SCIN: variants seen among roughly 807,000 people sequenced by gnomAD.
The protein encoded by SCIN is scinderin.
In SCIN, 91 loss-of-function variants were observed where a neutral mutation model predicts 91.8. The observed-to-expected ratio is 0.99, with a 90% CI of 0.84 to 1.18. The LOEUF (loss-of-function observed/expected upper bound fraction) is 1.18. SCIN is among the 50% of genes most tolerant of loss of function. The pLI, the probability that SCIN is intolerant of heterozygous loss-of-function variation, is 0.00. For missense variants in SCIN, 1,087 were observed against 863.9 expected (o/e 1.26, Z -3.24); for synonymous variants, 367 against 312.6 (o/e 1.17, Z -1.84).
chr7:12,644,299 A>G lies in SCIN; in HGVS notation c.1743A>G (p.Gln581=), dbSNP rs1783914682. The change falls in exon 12 of 16, where the codon CAA becomes CAG. Residue 581 remains glutamine, a synonymous_variant. Transcript: ENST00000297029. ...TAAAGTGCAAAACCTTAAGGATCCA[A>G]GAAGGCGAGGAGCCAGGTGTGTGCT... ...SVLKCKTLRI[Q]EGEEPEEFWN... The G allele has an allele frequency of 5.0e-6, 8 of 1,587,650 alleles. No homozygotes were observed. The highest frequency in any genetic ancestry group is 1.3e-5 in the African/African-American group (1 of 74,456).
At chr7:12,643,556 C>T (rs1469800596) in intron 11 of SCIN, among the ~76,000 whole-genome samples, 2 of 152,170 alleles carry the variant, frequency 1.3e-5, no homozygotes, top group Non-Finnish European at 2.9e-5. Flanking sequence ...TCCTTTAAAA[C>T]TTCCAACAGC....
chr7:12,583,973 T>C lies in SCIN; in HGVS notation c.516+2752T>C, dbSNP rs1363041448. 2.6e-5 allele frequency among the ~76,000 whole-genome samples: 4 copies of C among 152,184 alleles called. No homozygotes were observed. The East Asian group carries it at 5.8e-4, about 22-fold the overall frequency. On this transcript the variant is annotated intron_variant, in intron 3 of 15. Transcript: ENST00000297029. Reference sequence around the variant, plus strand: ...AGAGGTACTGGTGCTTGGTTATCAATTATATTCTGGAATTTTCCTATACTC... The same window carrying C: ...AGAGGTACTGGTGCTTGGTTATCAACTATATTCTGGAATTTTCCTATACTC...
intron 3 of SCIN, chr7:12,595,722 G>A (rs766227544): frequency 2.6e-5 from 4 of 152,208 alleles, no homozygotes; most frequent in Non-Finnish European, 5.9e-5. Flanking sequence ...CTTGACCCCT[G>A]AAGATTCTGA....
At chr7:12,604,391 A>G (rs1783027437) in intron 3 of SCIN, 123 bp from the exon 4 acceptor site, 8 of 814,516 alleles carry the variant, frequency 9.8e-6, no homozygotes, top group South Asian at 1.9e-5. Context: ...ACAATTATGT[A>G]TATACCTCAA....
rs1009168596 is a variant in SCIN at position 12,654,538 on chromosome 7, T to A, written c.*1823T>A. 3.9e-5 allele frequency: 6 copies of A among 152,212 alleles called. No homozygotes were observed. Among genetic ancestry groups the A allele is most frequent in the African/African-American group, 1.4e-4 (6 of 41,468 alleles). 9.4% of individuals were successfully genotyped at this position (152,212 alleles called of 1,614,324 possible). Reference sequence around the variant, plus strand: ...ATGTAATTGAGTGAAAAATAATTTTTAAAAATATTTATAAATATCTTCTGG... The same window carrying A: ...ATGTAATTGAGTGAAAAATAATTTTAAAAAATATTTATAAATATCTTCTGG... On this transcript the variant is annotated 3_prime_UTR_variant, in exon 16 of 16. Transcript: ENST00000297029.
intron 8 of SCIN, among the ~76,000 whole-genome samples, chr7:12,627,889 G>A (rs1045114646): frequency 5.3e-5 from 8 of 152,104 alleles, no homozygotes; most frequent in Non-Finnish European, 8.8e-5. Context: ...GCTCTCTCTA[G>A]GATCTAAGGC....
intron 13 of SCIN, among the ~76,000 whole-genome samples, chr7:12,645,255 G>T (rs528156128): frequency 1.3e-5 from 2 of 152,178 alleles, no homozygotes; most frequent in Non-Finnish European, 2.9e-5. Flanking sequence ...GGAGGCGGAG[G>T]TTGCAGTGAG....
intron 11 of SCIN, among the ~76,000 whole-genome samples, chr7:12,643,145 C>CT (rs1641114631): frequency 6.6e-6 from 1 of 152,176 alleles, no homozygotes; most frequent in South Asian, 2.1e-4. Flanking sequence ...TCATCAGCTG[C>CT]TTTCTGTGCA....
chr7:12,614,887 A>C (rs938396236), intron 4 of SCIN, among the ~76,000 whole-genome samples: 1 of 152,208 alleles, frequency 6.6e-6, no homozygotes, highest in Non-Finnish European at 1.5e-5. Context: ...TTAGAGCTTT[A>C]AGACACTATC....
At chr7:12,613,770 G>A (rs538608887) in intron 4 of SCIN, among the ~76,000 whole-genome samples, 11 of 152,170 alleles carry the variant, frequency 7.2e-5, no homozygotes, top group Non-Finnish European at 1.6e-4. Context: ...TTTATTTAAA[G>A]GCTTTAAAGT....
intron 4 of SCIN, among the ~76,000 whole-genome samples, chr7:12,607,200 T>G (rs1038293601): frequency 5.3e-5 from 8 of 152,212 alleles, no homozygotes; most frequent in Admixed American, 1.3e-4. Flanking sequence ...ATTCCTCATA[T>G]GCAAAGTGAA....
intron 1 of SCIN, chr7:12,577,424 C>T (rs1782394346): frequency 2.5e-6 from 1 of 401,378 alleles, no homozygotes; most frequent in African/African-American, 2.1e-5. Flanking sequence ...CAAATGTTTT[C>T]ATAGTCTGAT....
At chr7:12,582,753 C>A (rs918471932) in intron 3 of SCIN, among the ~76,000 whole-genome samples, 2 of 152,072 alleles carry the variant, frequency 1.3e-5, no homozygotes, top group East Asian at 3.9e-4. Flanking sequence ...CCTACCGCCA[C>A]CACCCCCTAC....
intron 5 of SCIN, 148 bp from the exon 6 acceptor site, chr7:12,624,862 A>C (rs1417748680): frequency 4.9e-6 from 3 of 608,728 alleles, no homozygotes; most frequent in Middle Eastern, 2.8e-4. Context: ...TAATTTATAC[A>C]CCATAAAATT....
intron 3 of SCIN, among the ~76,000 whole-genome samples, chr7:12,597,561 T>C (rs113948687): frequency 5.6e-4 from 85 of 152,336 alleles, no homozygotes; most frequent in African/African-American, 1.9e-3. Flanking sequence ...TGTTTTACTT[T>C]TGCCCTTATT....
intron 3 of SCIN, among the ~76,000 whole-genome samples, chr7:12,585,270 C>G (rs1782563748): frequency 6.6e-6 from 1 of 152,112 alleles, no homozygotes; most frequent in Non-Finnish European, 1.5e-5. Context: ...TGTTGCAACC[C>G]ACACTTTTGA....
intron 3 of SCIN, among the ~76,000 whole-genome samples, chr7:12,582,394 G>T (rs1782505736): frequency 6.6e-6 from 1 of 152,070 alleles, no homozygotes; most frequent in South Asian, 2.1e-4. Context: ...ATGTACTAAG[G>T]TTATACATTG....
chr7:12,649,484 A>G lies in SCIN; in HGVS notation c.1899A>G (p.Gly633=). 4 of 1,600,468 alleles carry G rather than the reference A, an allele frequency of 2.5e-6. No individual in the cohort carries two copies. Among genetic ancestry groups the G allele is most frequent in the Non-Finnish European group, 3.4e-6 (4 of 1,172,696 alleles). Residue 633 remains glycine (G), a synonymous_variant, in exon 14 of 16, where the codon GGA becomes GGG. Coordinates refer to ENST00000297029, the MANE Select transcript of SCIN (RefSeq NM_001112706.3). ...TGRFVIEEIP[G]EFTQDDLAED... ...CCTTTCAGATTGAAGAGATTCCAGG[A>G]GAGTTCACCCAGGATGATTTAGCTG...
intron 2 of SCIN, among the ~76,000 whole-genome samples, chr7:12,580,228 T>G (rs1333417306): frequency 6.6e-6 from 1 of 152,054 alleles, no homozygotes; most frequent in Non-Finnish European, 1.5e-5. Context: ...AGCTCAGTTA[T>G]TCACATATAA....
Sources: allele counts gnomAD v4.1 joint callset (sites outside exome capture counted in the v4.1 genomes callset), GRCh38; gene constraint gnomAD v4.1.1; transcripts MANE v1.5; gene names NCBI Gene and HGNC (gene_info 2026-07-23, HGNC 2026-07-21).